KLHL7: variants seen among roughly 807,000 people sequenced by gnomAD.
The protein encoded by KLHL7 is kelch-like protein 7.
A neutral mutation model predicts 67.4 loss-of-function variants in KLHL7; 44 were observed. The observed-to-expected ratio is 0.65, with a 90% CI of 0.51 to 0.84. KLHL7 has a LOEUF of 0.84. KLHL7 is among the 40% of genes least tolerant of loss of function. The probability of loss-of-function intolerance (pLI) is 0.00; values close to 1 mark genes in which losing one functional copy is unlikely to be tolerated. For synonymous variants in KLHL7, 252 were observed against 243.3 expected, an observed-to-expected ratio of 1.04 and a Z score of -0.33; for missense variants, 362 against 718.1, an observed-to-expected ratio of 0.50 and a Z score of 5.67.
At chr7:23,144,425 C>T (rs1378178927) in intron 6 of KLHL7, among the ~76,000 whole-genome samples, 1 of 152,140 alleles carries the variant, frequency 6.6e-6, no homozygotes, top group East Asian at 1.9e-4. Flanking sequence ...CTTCCATTTT[C>T]TTGCTTGCTG....
rs1785311109 is a variant in KLHL7 at position 23,177,184 on chromosome 7, T to G, written c.*2886T>G. On this transcript the variant is annotated 3_prime_UTR_variant, in exon 11 of 11. Transcript: ENST00000339077. ...ACTAATCTACTTTCTGTCTCTAGAT[T>G]TGATTATTCTGAACATTTTTAGTAG... 6.6e-6 allele frequency: 1 copy of G among 152,232 alleles called. No homozygotes were observed. Among genetic ancestry groups the G allele is most frequent in the African/African-American group, 2.4e-5 (1 of 41,452 alleles). The allele number at this position is 152,232 out of a possible 1,614,324, so 9.4% of individuals were successfully genotyped here. A position where few individuals can be genotyped will look rare whatever the true frequency, so the allele number is the denominator to read the frequency against.
At chr7:23,131,502 G>A (rs1783797628) in intron 4 of KLHL7, among the ~76,000 whole-genome samples, 1 of 151,988 alleles carries the variant, frequency 6.6e-6, no homozygotes, top group South Asian at 2.1e-4. Context: ...GTGTTTGCAT[G>A]TTTATTTTTG....
chr7:23,137,135 A>G (rs112607139), intron 4 of KLHL7, among the ~76,000 whole-genome samples: 2,618 of 152,238 alleles, frequency 0.017, 93 homozygotes, highest in African/African-American at 0.059. Flanking sequence ...AAATACAAAA[A>G]TTAGCCAGGC....
chr7:23,149,609 A>G (rs1784469219), intron 6 of KLHL7, among the ~76,000 whole-genome samples: 2 of 152,206 alleles, frequency 1.3e-5, no homozygotes, highest in African/African-American at 4.8e-5. Flanking sequence ...GATGATACTG[A>G]TGCTGCTGGT....
chr7:23,163,547 G>GACTC (rs1784912227), intron 7 of KLHL7, among the ~76,000 whole-genome samples: 1 of 152,196 alleles, frequency 6.6e-6, no homozygotes, highest in Non-Finnish European at 1.5e-5. Flanking sequence ...AAGATACAAT[G>GACTC]GAGTGTTCAG....
intron 6 of KLHL7, 124 bp downstream of exon 6, chr7:23,144,149 A>G: frequency 2.4e-6 from 2 of 835,870 alleles, no homozygotes; most frequent in East Asian, 2.6e-5. Flanking sequence ...GCTCTTCTAG[A>G]TAGTTAATCC....
chr7:23,163,769 T>G (rs1044415191), intron 7 of KLHL7, among the ~76,000 whole-genome samples: 3 of 152,178 alleles, frequency 2.0e-5, no homozygotes, highest in African/African-American at 7.2e-5. Context: ...ATATCAAAAT[T>G]TAAGAAATCC....
chr7:23,163,173 T>C (rs1017642186), intron 7 of KLHL7, among the ~76,000 whole-genome samples: 18 of 152,138 alleles, frequency 1.2e-4, no homozygotes, highest in Admixed American at 9.2e-4. Flanking sequence ...TTACTCTTTT[T>C]TTTTTGCTCG....
chr7:23,147,160 G>C (rs1784385550), intron 6 of KLHL7, among the ~76,000 whole-genome samples: 1 of 150,110 alleles, frequency 6.7e-6, no homozygotes, highest in Non-Finnish European at 1.5e-5. Flanking sequence ...CATGATCTTG[G>C]CTAACTGCAA....
intron 1 of KLHL7, among the ~76,000 whole-genome samples, chr7:23,108,992 T>A (rs1782757177): frequency 6.6e-6 from 1 of 152,250 alleles, no homozygotes; most frequent in Non-Finnish European, 1.5e-5. Flanking sequence ...TGAACATTTT[T>A]GTACACTTTG....
chr7:23,177,021 G>T lies in KLHL7; in HGVS notation c.*2723G>T, dbSNP rs1785308536. 6.6e-6 allele frequency: 1 copy of T among 152,104 alleles called. No homozygotes were observed. The highest frequency in any genetic ancestry group is 2.4e-5 in the African/African-American group (1 of 41,412). The allele number at this position is 152,104 out of a possible 1,614,324, so 9.4% of individuals were successfully genotyped here. A position where few individuals can be genotyped will look rare whatever the true frequency, so the allele number is the denominator to read the frequency against. ...AGGACAACATAGGGCCCGCAATCCA[G>T]TATGACCTTATTTTAATTACACCTG... On this transcript the variant is annotated 3_prime_UTR_variant, in exon 11 of 11. Transcript: ENST00000339077.
Position 23,139,794 on chromosome 7 carries a change from CTT to C in KLHL7, c.443-972_443-971del, listed in dbSNP as rs1246709868. 8.5e-5 allele frequency among the ~76,000 whole-genome samples: 13 copies of C among 152,238 alleles called. No homozygotes were observed. In the South Asian group the frequency reaches 2.3e-3, roughly 27 times the overall value. ...AGTTTTATATAGAAGAGGGAGCAGA[CTT>C]TTCCTGTAAAGGATCAGAAAAGTAA... On this transcript the variant is annotated intron_variant, in intron 4 of 10. Transcript: ENST00000339077.
intron 1 of KLHL7, among the ~76,000 whole-genome samples, chr7:23,118,568 G>A (rs1170881655): frequency 1.3e-5 from 2 of 152,110 alleles, no homozygotes; most frequent in Non-Finnish European, 2.9e-5. Flanking sequence ...CCACACTCTT[G>A]TTCATCCTGT....
At chr7:23,108,928 A>G (rs1782754787) in intron 1 of KLHL7, among the ~76,000 whole-genome samples, 1 of 152,246 alleles carries the variant, frequency 6.6e-6, no homozygotes. Context: ...CCATTCTATC[A>G]TTATGAACAT....
intron 5 of KLHL7, 135 bp from the exon 6 acceptor site, chr7:23,143,716 T>C: frequency 1.1e-6 from 1 of 905,490 alleles, no homozygotes; most frequent in South Asian, 1.3e-5. Flanking sequence ...CCAGCAAGTG[T>C]CCAGGGATGA....
chr7:23,106,727 A>G (rs1297940472), intron 1 of KLHL7: 2 of 992,648 alleles, frequency 2.0e-6, no homozygotes, highest in Admixed American at 1.1e-4. Context: ...TCTGTTATTA[A>G]GAGGAGCTCT....
chr7:23,108,302 T>G (rs948589308), intron 1 of KLHL7, among the ~76,000 whole-genome samples: 6 of 152,222 alleles, frequency 3.9e-5, no homozygotes, highest in African/African-American at 1.4e-4. Context: ...TGTAGTATAG[T>G]GGCCGATTCT....
chr7:23,170,907 CT>C (rs34932759), intron 9 of KLHL7, among the ~76,000 whole-genome samples: 8,374 of 132,824 alleles, frequency 0.063, 293 homozygotes, highest in African/African-American at 0.13. Flanking sequence ...TAAGAAATGA[CT>C]TTTTTTTTTT....
chr7:23,164,203 G>GC, intron 7 of KLHL7, among the ~76,000 whole-genome samples: 1 of 92,150 alleles, frequency 1.1e-5, no homozygotes, highest in African/African-American at 6.0e-5. Flanking sequence ...ACTATAATCA[G>GC]CAAAAAAAAA....
Sources: gnomAD v4.1 joint callset for allele counts (sites outside exome capture counted in the v4.1 genomes callset) on GRCh38, gnomAD v4.1.1 for gene constraint, MANE v1.5 for transcripts, NCBI Gene and HGNC (gene_info 2026-07-23, HGNC 2026-07-21) for gene names.